The following RORA variants were observed in gnomAD, a reference collection of about 807,000 sequenced individuals.
RORA encodes RAR related orphan receptor A, also known as nuclear receptor ROR-alpha.
Under a neutral mutation model 69.5 loss-of-function variants are expected in RORA, and 7 were observed. The ratio of observed to expected loss-of-function variants is 0.10; its 90% CI spans 0.06 to 0.19. RORA has a LOEUF of 0.19. RORA is among the 10% of genes least tolerant of loss of function. The pLI is 1.00. For missense variants in RORA, 457 were observed against 663.0 expected (o/e 0.69, Z 3.41); for synonymous variants, 261 against 240.8 (o/e 1.08, Z -0.78).
chr15:60,928,447 C>T (rs1016917548), intron 1 of RORA, among the ~76,000 whole-genome samples: 2 of 152,274 alleles, frequency 1.3e-5, no homozygotes, highest in South Asian at 2.1e-4. Context: ...CAAAAGCATT[C>T]GCGCTCAGTA....
At chr15:60,855,120 T>G (rs1439354424) in intron 1 of RORA, among the ~76,000 whole-genome samples, 2 of 152,204 alleles carry the variant, frequency 1.3e-5, no homozygotes, top group African/African-American at 4.8e-5. Context: ...ACTGTTTGCT[T>G]TATTAGCCCG....
At chr15:61,038,785 T>A (rs1896591664) in intron 1 of RORA, 1 of 152,252 alleles carries the variant, frequency 6.6e-6, no homozygotes, top group Non-Finnish European at 1.5e-5. Flanking sequence ...CCAAAAGTCA[T>A]ACAGTTTAAT....
intron 1 of RORA, among the ~76,000 whole-genome samples, chr15:60,967,559 C>G (rs1396172298): frequency 1.3e-5 from 2 of 152,198 alleles, no homozygotes; most frequent in Non-Finnish European, 2.9e-5. Context: ...TTTGCAGAAA[C>G]AAACTTGTTC....
At chr15:60,817,914 TAC>T (rs1455303142) in intron 1 of RORA, among the ~76,000 whole-genome samples, 1 of 152,276 alleles carries the variant, frequency 6.6e-6, no homozygotes, top group Non-Finnish European at 1.5e-5. Context: ...AATACAAGGA[TAC>T]AGTTTTCTTT....
chr15:60,728,315 C>T (rs2071389528), intron 1 of RORA, among the ~76,000 whole-genome samples: 1 of 152,164 alleles, frequency 6.6e-6, no homozygotes, highest in South Asian at 2.1e-4. Context: ...TACCGTTCAA[C>T]AATATTAAGT....
chr15:60,695,628 A>T (rs534861048), intron 1 of RORA, among the ~76,000 whole-genome samples: 66 of 152,198 alleles, frequency 4.3e-4, no homozygotes, highest in Non-Finnish European at 8.7e-4. Context: ...ACAAGTCATC[A>T]CCCTGATGCC....
intron 1 of RORA, among the ~76,000 whole-genome samples, chr15:61,171,741 G>T (rs922154773): frequency 1.3e-5 from 2 of 152,316 alleles, no homozygotes; most frequent in South Asian, 2.1e-4. Flanking sequence ...TACATCTTTA[G>T]CAGAGAGGCC....
chr15:60,711,427 G>A (rs1270651112), intron 1 of RORA, among the ~76,000 whole-genome samples: 1 of 152,180 alleles, frequency 6.6e-6, no homozygotes, highest in Non-Finnish European at 1.5e-5. Context: ...GTTGCCTACA[G>A]TACTCAAGAA....
At chr15:60,962,537 A>G (rs917620303) in intron 1 of RORA, among the ~76,000 whole-genome samples, 8 of 152,200 alleles carry the variant, frequency 5.3e-5, no homozygotes, top group African/African-American at 1.9e-4. Flanking sequence ...GCCCCTCGAC[A>G]TGCCACTTAG....
At chr15:60,686,135 A>G (rs765003879) in intron 1 of RORA, among the ~76,000 whole-genome samples, 1 of 152,190 alleles carries the variant, frequency 6.6e-6, no homozygotes, top group Non-Finnish European at 1.5e-5. Flanking sequence ...AATATCTTTT[A>G]ATTTTGGACA....
At chr15:60,997,560 G>T (rs1490324701) in intron 1 of RORA, among the ~76,000 whole-genome samples, 2 of 151,852 alleles carry the variant, frequency 1.3e-5, no homozygotes, top group African/African-American at 2.4e-5. Context: ...CCTGAGAATG[G>T]CTGCTTCTCA....
intron 2 of RORA, among the ~76,000 whole-genome samples, chr15:60,562,057 C>T (rs2067577113): frequency 2.6e-5 from 4 of 151,984 alleles, no homozygotes; most frequent in Admixed American, 2.6e-4. Context: ...GATTCTCCTG[C>T]CTCAGCCTCC....
At chr15:60,558,908 C>T (rs1432491311) in intron 2 of RORA, among the ~76,000 whole-genome samples, 1 of 152,108 alleles carries the variant, frequency 6.6e-6, no homozygotes, top group Non-Finnish European at 1.5e-5. Flanking sequence ...TACAGAAAGG[C>T]ATTTTAGTGT....
chr15:61,063,759 A>G (rs1566970633), intron 1 of RORA, among the ~76,000 whole-genome samples: 1 of 152,234 alleles, frequency 6.6e-6, no homozygotes, highest in Non-Finnish European at 1.5e-5. Flanking sequence ...AACTATTGTT[A>G]TTAGAAAAGA....
intron 10 of RORA, among the ~76,000 whole-genome samples, 165 bp from the exon 11 acceptor site, chr15:60,497,784 C>G (rs1330486117): frequency 6.6e-6 from 1 of 151,978 alleles, no homozygotes; most frequent in African/African-American, 2.4e-5. Flanking sequence ...GATGGCTGGG[C>G]GCGGTGGCTC....
intron 1 of RORA, among the ~76,000 whole-genome samples, chr15:60,866,064 C>A (rs920442361): frequency 5.9e-5 from 9 of 152,114 alleles, no homozygotes; most frequent in African/African-American, 1.9e-4. Flanking sequence ...TTCCATTTCT[C>A]CTCTTTTAGT....
chr15:60,754,987 T>TTG (rs1165346775), intron 1 of RORA, among the ~76,000 whole-genome samples: 2 of 151,834 alleles, frequency 1.3e-5, no homozygotes, highest in Non-Finnish European at 2.9e-5. Flanking sequence ...TGAGTCTTTT[T>TTG]TTTTTTTTAT....
chr15:60,999,925 T>C (rs1894692804), intron 1 of RORA, among the ~76,000 whole-genome samples: 1 of 152,052 alleles, frequency 6.6e-6, no homozygotes, highest in Non-Finnish European at 1.5e-5. Flanking sequence ...AACAGCTGAA[T>C]TACAGACAAG....
intron 1 of RORA, among the ~76,000 whole-genome samples, chr15:61,132,327 C>T (rs1409292862): frequency 6.6e-6 from 1 of 151,886 alleles, no homozygotes; most frequent in African/African-American, 2.4e-5. Flanking sequence ...TAAACCATGA[C>T]CTCCATCAAG....
Sources: gnomAD v4.1 joint callset for allele counts (sites outside exome capture counted in the v4.1 genomes callset) on GRCh38, gnomAD v4.1.1 for gene constraint, MANE v1.5 for transcripts, NCBI Gene and HGNC (gene_info 2026-07-23, HGNC 2026-07-21) for gene names.